The following SYT16 variants were observed in gnomAD, a reference collection of about 807,000 sequenced individuals.
SYT16 encodes synaptotagmin 16, also known as synaptotagmin-16.
In SYT16, 42 loss-of-function variants were observed where a neutral mutation model predicts 61.4. The ratio of observed to expected loss-of-function variants is 0.68; its 90% CI spans 0.53 to 0.89. The LOEUF is 0.89. Ranked by LOEUF, SYT16 falls within the 40% of genes least tolerant of loss-of-function variation. The pLI is 0.00. For synonymous variants in SYT16, 314 were observed against 302.3 expected (o/e 1.04, Z -0.40); for missense variants, 804 against 807.3 (o/e 1.00, Z 0.05).
chr14:61,814,948 C>A (rs150742178), intron 1 of SYT16, among the ~76,000 whole-genome samples: 3 of 152,196 alleles, frequency 2.0e-5, no homozygotes, highest in Non-Finnish European at 2.9e-5. Context: ...GGGCTTCTCC[C>A]AGATACAGAA....
chr14:62,065,520 C>G (rs749529581), intron 3 of SYT16, among the ~76,000 whole-genome samples: 1 of 152,014 alleles, frequency 6.6e-6, no homozygotes, highest in African/African-American at 2.4e-5. Flanking sequence ...AAATCAAGAA[C>G]CATATACTAA....
intron 7 of SYT16, among the ~76,000 whole-genome samples, chr14:62,098,521 T>A (rs1209719520): frequency 6.6e-6 from 1 of 152,240 alleles, no homozygotes. Context: ...TTGACGCTAG[T>A]CACTGTTTTC....
At chr14:61,902,971 A>G (rs1157090239) in intron 1 of SYT16, among the ~76,000 whole-genome samples, 1 of 152,240 alleles carries the variant, frequency 6.6e-6, no homozygotes, top group Non-Finnish European at 1.5e-5. Flanking sequence ...CAACAATTCA[A>G]GATGAGATTT....
intron 1 of SYT16, among the ~76,000 whole-genome samples, chr14:61,928,298 C>T (rs1013953172): frequency 2.0e-5 from 3 of 152,138 alleles, no homozygotes; most frequent in Non-Finnish European, 4.4e-5. Context: ...TAGGAATGGA[C>T]ATCAGGGGCA....
At chr14:61,846,336 C>T (rs2046445354) in intron 1 of SYT16, among the ~76,000 whole-genome samples, 1 of 152,086 alleles carries the variant, frequency 6.6e-6, no homozygotes, top group African/African-American at 2.4e-5. Context: ...TATCTGGGTT[C>T]TCTAGTGTTG....
chr14:61,930,744 G>A (rs1271320026), intron 1 of SYT16, among the ~76,000 whole-genome samples: 2 of 151,964 alleles, frequency 1.3e-5, no homozygotes, highest in Non-Finnish European at 2.9e-5. Flanking sequence ...ACGAGTCTAT[G>A]CAAGTGGAAG....
chr14:61,992,830 ATT>A (rs951434847), intron 2 of SYT16, among the ~76,000 whole-genome samples: 8 of 152,098 alleles, frequency 5.3e-5, no homozygotes, highest in African/African-American at 1.9e-4. Context: ...ATTCAAATTA[ATT>A]TTTAAAAAAC....
intron 1 of SYT16, among the ~76,000 whole-genome samples, chr14:61,837,139 AGTGGTAAGTCT>A (rs2046155204): frequency 6.6e-6 from 1 of 151,988 alleles, no homozygotes; most frequent in Non-Finnish European, 1.5e-5. Flanking sequence ...ACCTCTATTC[AGTGGTAAGTCT>A]GTGCTGGTGA....
intron 1 of SYT16, among the ~76,000 whole-genome samples, chr14:61,949,974 C>T (rs2050605804): frequency 6.6e-6 from 1 of 152,162 alleles, no homozygotes; most frequent in South Asian, 2.1e-4. Flanking sequence ...CTCAGAGTCC[C>T]AGTTTTTTAG....
intron 3 of SYT16, among the ~76,000 whole-genome samples, chr14:62,050,286 C>T (rs1423341410): frequency 5.9e-5 from 9 of 152,160 alleles, no homozygotes; most frequent in Non-Finnish European, 8.8e-5. Context: ...CTTGTGCATT[C>T]GTCACATAGT....
chr14:61,830,911 C>T (rs192277173), intron 1 of SYT16, among the ~76,000 whole-genome samples: 3 of 152,284 alleles, frequency 2.0e-5, no homozygotes, highest in Admixed American at 2.0e-4. Flanking sequence ...CAACAGGGCT[C>T]TTCACAGTGC....
chr14:62,095,116 G>A (rs574716796), intron 7 of SYT16, among the ~76,000 whole-genome samples: 10 of 152,072 alleles, frequency 6.6e-5, no homozygotes, highest in South Asian at 6.2e-4. Context: ...GGTGGATATC[G>A]TAGTAAATAT....
At chr14:61,889,631 C>G (rs1238623644) in intron 1 of SYT16, among the ~76,000 whole-genome samples, 1 of 151,896 alleles carries the variant, frequency 6.6e-6, no homozygotes, top group East Asian at 1.9e-4. Flanking sequence ...TCTCTCTCCC[C>G]TCCCCTCCTT....
At chr14:62,030,417 C>T (rs984991670) in intron 3 of SYT16, among the ~76,000 whole-genome samples, 9 of 152,166 alleles carry the variant, frequency 5.9e-5, no homozygotes, top group African/African-American at 2.2e-4. Context: ...GTGTGGAAAT[C>T]GTTCTGAAAT....
chr14:61,987,471 C>G (rs146010795), intron 2 of SYT16, among the ~76,000 whole-genome samples: 2 of 152,240 alleles, frequency 1.3e-5, no homozygotes, highest in African/African-American at 4.8e-5. Flanking sequence ...ATTTAAGAGA[C>G]TGTTGAAGTG....
At chr14:61,923,256 C>T (rs766795102) in intron 1 of SYT16, among the ~76,000 whole-genome samples, 1 of 152,052 alleles carries the variant, frequency 6.6e-6, no homozygotes, top group Non-Finnish European at 1.5e-5. Context: ...CTTAACAACT[C>T]TCTCTCTCTA....
chr14:61,857,181 G>T lies in SYT16; in HGVS notation c.-325+44371G>T, dbSNP rs533264730. 5.3e-5 allele frequency among the ~76,000 whole-genome samples: 8 copies of T among 152,294 alleles called. No individual in the cohort carries two copies. The South Asian group carries it at 1.5e-3, about 28-fold the overall frequency. The stretch of plus-strand genomic sequence containing the variant: ...CTCCACTGAGACATCTAAGAAGGAT[G>T]TAAAGCGCCAGCCACAATTTTCTGC... On this transcript the variant is annotated intron_variant, in intron 1 of 7. Coordinates refer to ENST00000683842, the MANE Select transcript of SYT16 (RefSeq NM_001367656.1).
intron 3 of SYT16, among the ~76,000 whole-genome samples, chr14:62,063,286 G>A (rs1374543769): frequency 6.6e-6 from 1 of 152,180 alleles, no homozygotes; most frequent in Non-Finnish European, 1.5e-5. Flanking sequence ...GCGTATAAAT[G>A]CCAAGCTGGA....
chr14:62,018,039 C>A (rs756948934), intron 3 of SYT16, among the ~76,000 whole-genome samples: 19 of 152,018 alleles, frequency 1.2e-4, no homozygotes, highest in Non-Finnish European at 2.2e-4. Context: ...CTCCTGATTT[C>A]TCTGTATCCA....
Sources: gnomAD v4.1 joint callset for allele counts (sites outside exome capture counted in the v4.1 genomes callset) on GRCh38, gnomAD v4.1.1 for gene constraint, MANE v1.5 for transcripts, NCBI Gene and HGNC (gene_info 2026-07-23, HGNC 2026-07-21) for gene names.